The following TRPM8 variants were observed in gnomAD, a reference collection of about 807,000 sequenced individuals.
TRPM8 encodes the protein transient receptor potential cation channel subfamily M member 8.
Under a neutral mutation model 133.7 loss-of-function variants are expected in TRPM8, and 110 were observed. The ratio of observed to expected loss-of-function variants is 0.82; its 90% CI spans 0.70 to 0.96. The LOEUF (loss-of-function observed/expected upper bound fraction) is 0.96, where lower values mean the gene tolerates loss of function less well. TRPM8 is among the 40% of genes least tolerant of loss of function. The probability of loss-of-function intolerance (pLI) is 0.00; values close to 1 mark genes in which losing one functional copy is unlikely to be tolerated. For missense variants in TRPM8, 1,291 were observed against 1,379.5 expected (o/e 0.94, Z 1.02); for synonymous variants, 535 against 532.3 (o/e 1.01, Z -0.07).
intron 3 of TRPM8, among the ~76,000 whole-genome samples, chr2:233,935,067 T>C (rs1574698729): frequency 1.3e-5 from 2 of 152,234 alleles, no homozygotes; most frequent in Non-Finnish European, 2.9e-5. Context: ...AAAACATATC[T>C]ACTTTACAAA....
chr2:233,971,610 C>T (rs572469419), intron 17 of TRPM8, among the ~76,000 whole-genome samples: 215 of 152,170 alleles, frequency 1.4e-3, no homozygotes, highest in African/African-American at 4.2e-3. Context: ...CGGACCCTTG[C>T]GGTGAGTGTT....
chr2:233,927,908 T>TTCTC (rs1253864335), intron 2 of TRPM8, among the ~76,000 whole-genome samples: 432 of 38,846 alleles, frequency 0.011, 28 homozygotes, highest in Non-Finnish European at 0.014. Flanking sequence ...CTTTCTTTCT[T>TTCTC]TCTCTCTCTC....
intron 2 of TRPM8, 110 bp from the exon 3 acceptor site, chr2:233,930,558 T>C: frequency 1.4e-6 from 1 of 701,366 alleles, no homozygotes; most frequent in African/African-American, 1.8e-5. Flanking sequence ...GAATATGTGG[T>C]AAATTCTTAA....
At chr2:233,947,700 CTGTA>C in intron 8 of TRPM8, 1 of 906,188 alleles carries the variant, frequency 1.1e-6, no homozygotes, top group Non-Finnish European at 1.6e-6. Flanking sequence ...CCCAGCCAAT[CTGTA>C]TGGACTCATT....
chr2:233,980,172 C>T lies in TRPM8; in HGVS notation c.2356-16C>T. On this transcript the variant is annotated splice_polypyrimidine_tract_variant and intron_variant, in intron 17 of 25. Coordinates refer to ENST00000324695, the MANE Select transcript of TRPM8 (RefSeq NM_024080.5). ...CCAAGCTGCTGATGTCCCTCTCTGT[C>T]CCTTTCTGTACGCAGTGGTACGTAA... The T allele has an allele frequency of 6.4e-7, 1 of 1,554,536 alleles. No individual in the cohort carries two copies. Among genetic ancestry groups the T allele is most frequent in the Non-Finnish European group, 8.8e-7 (1 of 1,134,268 alleles).
rs1018850718 is a variant in TRPM8, at chr2:233,967,953, A to G, written c.2025+1198A>G. Among the ~76,000 whole-genome samples the G allele has an allele frequency of 3.9e-5, 6 of 152,046 alleles. 1 individual carries two copies. The highest frequency in any genetic ancestry group is 2.1e-4 in the South Asian group (1 of 4,816). On this transcript the variant is annotated intron_variant, in intron 15 of 25. Coordinates refer to ENST00000324695, the MANE Select transcript of TRPM8 (RefSeq NM_024080.5). ...CAGGTTCACAGATCCTGAGGTTTCA[A>G]TCAGATGCCAGGTCATTCATTTCAC...
chr2:233,996,391 T>C lies in TRPM8; in HGVS notation c.3005T>C (p.Val1002Ala). 6.2e-7 allele frequency: 1 copy of C among 1,614,224 alleles called. No homozygotes were observed. Among genetic ancestry groups the C allele is most frequent in the Non-Finnish European group, 8.5e-7 (1 of 1,180,038 alleles). The change falls in exon 22 of 26, where the codon GTG (valine) becomes GCG (alanine). Residue 1002 changes from valine (V) to alanine (A), a missense_variant. Transcript: ENST00000324695. Reference sequence around the variant, plus strand: ...TGGAAGTTCCAGAGGTACTTCCTGGTGCAGGAGTACTGCAGCCGCCTCAAT... The same window carrying C: ...TGGAAGTTCCAGAGGTACTTCCTGGCGCAGGAGTACTGCAGCCGCCTCAAT... ...QVWKFQRYFL[V>A]QEYCSRLNIP...
Position 233,939,124 on chromosome 2 carries a change from C to T in TRPM8, c.475C>T (p.Pro159Ser). Residue 159 changes from proline (P) to serine (S), a missense_variant, in exon 5 of 26, where the codon CCG becomes TCG. Pro to Ser is a moderately conservative substitution (Grantham distance 74). Around this residue, in one of 2 missense-constraint regions of TRPM8, gnomAD observed 963 missense variants for 968.9 expected, o/e 0.99. Coordinates refer to ENST00000324695, the MANE Select transcript of TRPM8 (RefSeq NM_024080.5). ...TGGAKNFALKPRMRKIFSRLI... is the reference protein window; with the variant it reads ...TGGAKNFALKSRMRKIFSRLI... ...GGGCGCCAAGAACTTCGCCCTGAAG[C>T]CGCGCATGCGCAAGATCTTCAGCCG... is the stretch of plus-strand genomic sequence containing the variant. 1 of 1,614,194 alleles carries T rather than the reference C, an allele frequency of 6.2e-7. No homozygotes were observed. Among genetic ancestry groups the T allele is most frequent in the Non-Finnish European group, 8.5e-7 (1 of 1,180,052 alleles).
chr2:233,979,441 GA>G (rs1322705796), intron 17 of TRPM8, among the ~76,000 whole-genome samples: 1 of 152,228 alleles, frequency 6.6e-6, no homozygotes, highest in African/African-American at 2.4e-5. Context: ...ATGGACAAAT[GA>G]AAGGATTAGC....
At chr2:233,994,470 A>C (rs1574773307) in intron 21 of TRPM8, among the ~76,000 whole-genome samples, 1 of 152,212 alleles carries the variant, frequency 6.6e-6, no homozygotes, top group South Asian at 2.1e-4. Flanking sequence ...AGGAGCTTAC[A>C]TGGAGGAGAT....
chr2:233,938,908 A>C (rs1323322105), intron 4 of TRPM8, 90 bp from the exon 5 acceptor site: 3 of 1,434,276 alleles, frequency 2.1e-6, no homozygotes, highest in Admixed American at 1.9e-5. Context: ...GAAGCAGGCA[A>C]GCGTGGGCTT....
In TRPM8 at chr2:234,009,634, C is replaced by T. The variant is rs952347177; in HGVS notation, c.3264+1531C>T. ...GCCATCACTCAGGAGGTCCCACCGC[C>T]TCCCTCCCCTTCTCCCTTTCCCCTT... is the stretch of plus-strand genomic sequence containing the variant. On this transcript the variant is annotated intron_variant, in intron 24 of 25. Transcript: ENST00000324695. 1.1e-4 allele frequency among the ~76,000 whole-genome samples: 17 copies of T among 152,234 alleles called. No homozygotes were observed. In the East Asian group the frequency reaches 2.7e-3, roughly 24 times the overall value.
In TRPM8 at chr2:233,978,198, AGTGTGTGTGT is replaced by A. The variant is rs59259744; in HGVS notation, c.2356-1963_2356-1954del. Among the ~76,000 whole-genome samples, 1,069 of 146,098 alleles carry A rather than the reference AGTGTGTGTGT, an allele frequency of 7.3e-3. 15 individuals are homozygous for A. The highest frequency in any genetic ancestry group is 0.024 in the African/African-American group (960 of 39,524). ...GTATTTCACAGAAATGGAATATTAT[AGTGTGTGTGT>A]GTGTGTGTGTGTGTGTGTGTGTGTG... On this transcript the variant is annotated intron_variant, in intron 17 of 25. Transcript: ENST00000324695.
At chr2:233,934,435 G>T (rs549883239) in intron 3 of TRPM8, among the ~76,000 whole-genome samples, 60 of 152,324 alleles carry the variant, frequency 3.9e-4, no homozygotes, top group Admixed American at 2.9e-3. Context: ...CCTTGAGCCT[G>T]TCAATTATGA....
chr2:233,972,766 G>A (rs940580959), intron 17 of TRPM8, among the ~76,000 whole-genome samples: 4 of 152,158 alleles, frequency 2.6e-5, no homozygotes, highest in Admixed American at 2.6e-4. Flanking sequence ...CTCCCAGTGC[G>A]GGGCCCGCCA....
chr2:233,958,904 G>A (rs186221409), intron 11 of TRPM8, among the ~76,000 whole-genome samples: 3 of 152,250 alleles, frequency 2.0e-5, no homozygotes, highest in African/African-American at 7.2e-5. Context: ...GTGGGTCCCA[G>A]GGAGGAGTGG....
intron 6 of TRPM8, among the ~76,000 whole-genome samples, chr2:233,945,592 A>T (rs1483077814): frequency 1.3e-5 from 2 of 152,164 alleles, no homozygotes; most frequent in African/African-American, 4.8e-5. Context: ...CAAGAATGGG[A>T]CTGGGAATCT....
intron 1 of TRPM8, among the ~76,000 whole-genome samples, chr2:233,925,041 G>T (rs1042426176): frequency 6.6e-6 from 1 of 152,232 alleles, no homozygotes; most frequent in African/African-American, 2.4e-5. Flanking sequence ...TGGGAGGGGC[G>T]ATCTGGATGG....
chr2:234,016,525 G>T (rs1692959580), intron 25 of TRPM8, among the ~76,000 whole-genome samples: 1 of 152,186 alleles, frequency 6.6e-6, no homozygotes. Flanking sequence ...GGAAGACAGT[G>T]TCAGTCTCTT....
Sources: allele counts gnomAD v4.1 joint callset (sites outside exome capture counted in the v4.1 genomes callset), GRCh38; gene constraint gnomAD v4.1.1; regional missense constraint gnomAD v4.1.1; transcripts MANE v1.5; gene names NCBI Gene and HGNC (gene_info 2026-07-23, HGNC 2026-07-21).